Variants in TACC2 observed in about 807,000 individuals in gnomAD.
TACC2 encodes the protein transforming acidic coiled-coil containing protein 2.
A neutral mutation model predicts 227.3 loss-of-function variants in TACC2; 137 were observed. The observed-to-expected ratio is 0.60, with a 90% CI of 0.52 to 0.69. TACC2 has a LOEUF of 0.69. Ranked by LOEUF, TACC2 falls within the 30% of genes least tolerant of loss-of-function variation. TACC2 has a pLI of 0.00. For missense variants in TACC2, 3,470 were observed against 3,694.4 expected (o/e 0.94, Z 1.57); for synonymous variants, 1,523 against 1,487.5 (o/e 1.02, Z -0.55).
intron 7 of TACC2, among the ~76,000 whole-genome samples, chr10:122,181,684 C>T (rs527251665): frequency 1.3e-5 from 2 of 152,220 alleles, no homozygotes; most frequent in East Asian, 1.9e-4. Context: ...TCGTGTAATT[C>T]GTATATTAAG....
At chr10:122,048,176 T>C (rs1332197108) in intron 2 of TACC2, among the ~76,000 whole-genome samples, 1 of 152,158 alleles carries the variant, frequency 6.6e-6, no homozygotes, top group Non-Finnish European at 1.5e-5. Flanking sequence ...ACAAAATCCA[T>C]AGGCTAGAGG....
chr10:122,186,092 C>T (rs1451463198), intron 7 of TACC2, among the ~76,000 whole-genome samples: 1 of 152,004 alleles, frequency 6.6e-6, no homozygotes, highest in African/African-American at 2.4e-5. Context: ...GTACGCCTGG[C>T]TAATTTTTGT....
chr10:122,204,484 G>A (rs1410565685), intron 8 of TACC2, among the ~76,000 whole-genome samples: 3 of 152,158 alleles, frequency 2.0e-5, no homozygotes, highest in Non-Finnish European at 4.4e-5. Context: ...ATGTGGCAAG[G>A]AAAGCTGCTC....
intron 1 of TACC2, among the ~76,000 whole-genome samples, chr10:122,006,310 A>G (rs998752556): frequency 2.5e-4 from 38 of 152,006 alleles, no homozygotes; most frequent in African/African-American, 4.1e-4. Context: ...TTGGCCAGGC[A>G]TGGTGGCTCA....
intron 7 of TACC2, among the ~76,000 whole-genome samples, chr10:122,145,503 G>C (rs2091255664): frequency 6.6e-6 from 1 of 152,172 alleles, no homozygotes. Context: ...AGTGGGCACT[G>C]GGGGCTGGGA....
intron 20 of TACC2, 71 bp from the exon 21 acceptor site, chr10:122,248,979 C>T: frequency 2.0e-6 from 3 of 1,519,560 alleles, no homozygotes; most frequent in Non-Finnish European, 2.7e-6. Context: ...CCGAGAGTTC[C>T]TGGGGTTCCC....
chr10:122,229,136 G>A (rs2095685227), intron 14 of TACC2, among the ~76,000 whole-genome samples: 1 of 152,176 alleles, frequency 6.6e-6, no homozygotes, highest in Admixed American at 6.5e-5. Context: ...TTTTGGGGAG[G>A]GGGTCGGGTC....
At chr10:122,034,803 G>T (rs540111342) in intron 2 of TACC2, among the ~76,000 whole-genome samples, 1 of 151,708 alleles carries the variant, frequency 6.6e-6, no homozygotes, top group Non-Finnish European at 1.5e-5. Context: ...GGTGGTGCAC[G>T]CTTAATCCCA....
intron 5 of TACC2, among the ~76,000 whole-genome samples, chr10:122,123,340 T>C (rs1343046431): frequency 6.6e-6 from 1 of 152,084 alleles, no homozygotes; most frequent in East Asian, 1.9e-4. Context: ...CTGGCCCCAC[T>C]CCATGCCTGG....
rs576682193 is a variant in TACC2, at chr10:122,063,615, G to A, written c.146+13065G>A. ...TTATTGTAGCAACTTGGAACATAGC[G>A]AAGAGTGCAGAGTGGAGAGGAAAAA... On this transcript the variant is annotated intron_variant, in intron 3 of 22. Transcript: ENST00000369005. Among the ~76,000 whole-genome samples, 669 of 152,154 alleles carry A rather than the reference G, an allele frequency of 4.4e-3. 3 individuals are homozygous for A. Among genetic ancestry groups the A allele is most frequent in the Non-Finnish European group, 6.2e-3 (422 of 68,006 alleles).
chr10:122,044,078 C>A (rs2074680952), intron 2 of TACC2, among the ~76,000 whole-genome samples: 1 of 152,230 alleles, frequency 6.6e-6, no homozygotes, highest in African/African-American at 2.4e-5. Flanking sequence ...ACGTCAAACT[C>A]TATTCTGTTA....
rs1178675975 is a variant in TACC2, at chr10:122,086,275, G to C, written c.3775G>C (p.Ala1259Pro). ...CAGTGGAGTGAAAGCTGTTTCCTCT[G>C]CAGACCCCAGAGCTCCTGGCGAAAG... ...EDSGVKAVSS[A>P]DPRAPGESPC... The change falls in exon 4 of 23, where the codon GCA (alanine) becomes CCA (proline). Residue 1259 changes from alanine to proline, a missense_variant. Physicochemically the swap from Ala to Pro is conservative, Grantham distance 27. Around this residue, in one of 10 missense-constraint regions of TACC2, gnomAD observed 1,924 missense variants for 1,978.3 expected, o/e 0.97. Coordinates refer to ENST00000369005, the MANE Select transcript of TACC2 (RefSeq NM_206862.4). 5 of 1,613,898 alleles carry C rather than the reference G, an allele frequency of 3.1e-6. No homozygotes were observed. The highest frequency in any genetic ancestry group is 4.2e-6 in the Non-Finnish European group (5 of 1,180,048).
chr10:122,152,075 G>A (rs2092098459), intron 7 of TACC2, among the ~76,000 whole-genome samples: 2 of 152,148 alleles, frequency 1.3e-5, no homozygotes, highest in South Asian at 4.1e-4. Flanking sequence ...TTCCCCATGT[G>A]GCTCCACCAA....
chr10:122,246,289 C>A (rs1196045959), intron 19 of TACC2, among the ~76,000 whole-genome samples: 1 of 152,118 alleles, frequency 6.6e-6, no homozygotes, highest in East Asian at 1.9e-4. Flanking sequence ...GGTGCTGGGA[C>A]CCTAAGAGGT....
At chr10:122,107,199 G>A (rs1184499540) in intron 5 of TACC2, among the ~76,000 whole-genome samples, 1 of 152,184 alleles carries the variant, frequency 6.6e-6, no homozygotes, top group African/African-American at 2.4e-5. Context: ...ATAAAACTTC[G>A]ATTCAATTTC....
chr10:122,058,358 C>T (rs1355388755), intron 3 of TACC2, among the ~76,000 whole-genome samples: 1 of 152,146 alleles, frequency 6.6e-6, no homozygotes, highest in Non-Finnish European at 1.5e-5. Context: ...GCGCTTCTGT[C>T]ACTTCCCAGC....
chr10:122,186,088 C>T lies in TACC2; in HGVS notation c.5835-8952C>T, dbSNP rs375449695. 4.4e-3 allele frequency among the ~76,000 whole-genome samples: 672 copies of T among 152,158 alleles called. 4 individuals are homozygous for T. The highest frequency in any genetic ancestry group is 0.014 in the African/African-American group (600 of 41,504). ...GGATTACAGGTGCCCACCAGTACGC[C>T]TGGCTAATTTTTGTATTTTTAGTAG... On this transcript the variant is annotated intron_variant, in intron 7 of 22. Coordinates refer to ENST00000369005, the MANE Select transcript of TACC2 (RefSeq NM_206862.4).
intron 22 of TACC2, among the ~76,000 whole-genome samples, chr10:122,251,155 G>A (rs2096247543): frequency 6.6e-6 from 1 of 151,876 alleles, no homozygotes; most frequent in Admixed American, 6.6e-5. Context: ...AAACTTCTGG[G>A]CTCAAGCAGT....
intron 3 of TACC2, among the ~76,000 whole-genome samples, chr10:122,075,618 G>A (rs573912665): frequency 1.4e-4 from 22 of 152,324 alleles, no homozygotes; most frequent in African/African-American, 5.3e-4. Context: ...AGGCAGGAAT[G>A]TGGGGAGCTG....
Sources: allele counts gnomAD v4.1 joint callset (sites outside exome capture counted in the v4.1 genomes callset), GRCh38; gene constraint gnomAD v4.1.1; regional missense constraint gnomAD v4.1.1; transcripts MANE v1.5; gene names NCBI Gene and HGNC (gene_info 2026-07-23, HGNC 2026-07-21).